The following MICAL3 variants were observed in gnomAD, a reference collection of about 807,000 sequenced individuals.
The protein encoded by MICAL3 is [F-actin]-monooxygenase MICAL3.
Under a neutral mutation model 207.4 loss-of-function variants are expected in MICAL3, and 62 were observed. The observed-to-expected ratio is 0.30, with a 90% CI of 0.24 to 0.37. The LOEUF is 0.37. Ranked by LOEUF, MICAL3 falls within the 10% of genes least tolerant of loss-of-function variation. MICAL3 has a pLI of 1.00. For synonymous variants in MICAL3, 1,077 were observed against 1,069.3 expected, an observed-to-expected ratio of 1.01 and a Z score of -0.14; for missense variants, 2,368 against 2,635.6, an observed-to-expected ratio of 0.90 and a Z score of 2.22.
At chr22:17,930,004 G>A (rs546327008) in intron 1 of MICAL3, among the ~76,000 whole-genome samples, 54 of 152,226 alleles carry the variant, frequency 3.5e-4, no homozygotes, top group African/African-American at 1.2e-3. Context: ...AAGGAAAAAC[G>A]GGCAGAAGAT....
At chr22:17,799,390 A>G (rs988010355) in intron 29 of MICAL3, among the ~76,000 whole-genome samples, 5 of 152,150 alleles carry the variant, frequency 3.3e-5, no homozygotes, top group African/African-American at 1.2e-4. Context: ...TGTCTCAAAA[A>G]CTTTCACAAA....
intron 1 of MICAL3, among the ~76,000 whole-genome samples, chr22:17,935,045 G>T (rs143208030): frequency 4.6e-5 from 7 of 151,966 alleles, no homozygotes; most frequent in African/African-American, 1.7e-4. Context: ...ATCAAGCTAC[G>T]AATGACTTTC....
chr22:17,835,555 G>A (rs1302789243), intron 20 of MICAL3, among the ~76,000 whole-genome samples: 1 of 152,244 alleles, frequency 6.6e-6, no homozygotes, highest in Non-Finnish European at 1.5e-5. Context: ...GTGCAGAGGA[G>A]GGAGGAAGCT....
rs1569073971 is a variant in MICAL3 at position 17,809,677 on chromosome 22, A to G, written c.5557-740T>C. Among the ~76,000 whole-genome samples, 5 of 152,326 alleles carry G rather than the reference A, an allele frequency of 3.3e-5. No homozygotes were observed. The South Asian group carries it at 1.0e-3, about 32-fold the overall frequency. ...ACAATAGAAATCTACAGTGGTCTAGATTCAGGGTCTGTGCAGCCTGAAAAC... is the reference window on the plus strand; with the variant it reads ...ACAATAGAAATCTACAGTGGTCTAGGTTCAGGGTCTGTGCAGCCTGAAAAC... On this transcript the variant is annotated intron_variant, in intron 28 of 31. Coordinates refer to ENST00000441493, the MANE Select transcript of MICAL3 (RefSeq NM_015241.3).
intron 17 of MICAL3, among the ~76,000 whole-genome samples, chr22:17,870,083 G>C (rs908488226): frequency 2.0e-5 from 3 of 152,164 alleles, no homozygotes; most frequent in African/African-American, 7.2e-5. Context: ...ACTGTGGAGG[G>C]GCTAAGCTGA....
Position 17,822,927 on chromosome 22 carries a change from C to A in MICAL3, c.3307+20G>T, listed in dbSNP as rs549562270. On this transcript the variant is annotated intron_variant, in intron 23 of 31. Transcript: ENST00000441493. ...CTTCCCTGAGCTCCCACCACAGGGG[C>A]GGGGAGGGCGGACCCCTACCATCAT... is the stretch of plus-strand genomic sequence containing the variant. The A allele has an allele frequency of 5.3e-6, 8 of 1,505,818 alleles. No individual in the cohort carries two copies. The African/African-American group carries it at 5.5e-5, about 10-fold the overall frequency. The allele number at this position is 1,505,818 out of a possible 1,614,324, so 93.3% of individuals were successfully genotyped here. A position where few individuals can be genotyped will look rare whatever the true frequency, so the allele number is the denominator to read the frequency against.
At chr22:17,877,017 A>AGGGAGG (rs1928612166) in intron 16 of MICAL3, 1 of 132,070 alleles carries the variant, frequency 7.6e-6, no homozygotes, top group Admixed American at 7.9e-5. Flanking sequence ...TATGGAGGTT[A>AGGGAGG]TGGAGGTTAT....
intron 1 of MICAL3, among the ~76,000 whole-genome samples, chr22:17,957,683 C>G (rs1934685785): frequency 7.2e-6 from 1 of 139,070 alleles, no homozygotes; most frequent in South Asian, 2.2e-4. Context: ...GCACTCCAAC[C>G]TGGGCGACAA....
intron 19 of MICAL3, chr22:17,863,691 A>G (rs1602083402): frequency 2.0e-6 from 2 of 985,458 alleles, no homozygotes; most frequent in Non-Finnish European, 2.4e-6. Context: ...CCCAGGGCAC[A>G]CCGCCTAGCC....
chr22:17,845,040 C>T (rs564288986), intron 19 of MICAL3, among the ~76,000 whole-genome samples: 3 of 152,270 alleles, frequency 2.0e-5, no homozygotes, highest in South Asian at 2.1e-4. Context: ...CTGTCTGTGG[C>T]GCCATTTGAT....
intron 1 of MICAL3, among the ~76,000 whole-genome samples, chr22:17,986,045 T>C (rs954763370): frequency 1.3e-5 from 2 of 152,174 alleles, no homozygotes; most frequent in Non-Finnish European, 2.9e-5. Context: ...TAGCTAGGAT[T>C]ACAGGCACCC....
intron 25 of MICAL3, among the ~76,000 whole-genome samples, chr22:17,819,657 C>G (rs1277781463): frequency 6.6e-6 from 1 of 152,090 alleles, no homozygotes; most frequent in African/African-American, 2.4e-5. Flanking sequence ...ATTTCACAGA[C>G]GGCTGAGCGC....
At chr22:17,886,477 G>C (rs990168312) in intron 15 of MICAL3, among the ~76,000 whole-genome samples, 1 of 152,108 alleles carries the variant, frequency 6.6e-6, no homozygotes, top group Non-Finnish European at 1.5e-5. Context: ...GACCAGCCTG[G>C]ACAACACGGT....
Position 17,850,734 on chromosome 22 carries a change from T to C in MICAL3, c.2606-8717A>G, listed in dbSNP as rs141823259. Among the ~76,000 whole-genome samples the C allele has an allele frequency of 3.3e-4, 50 of 152,142 alleles. 1 individual carries two copies. In the East Asian group the frequency reaches 9.3e-3, roughly 28 times the overall value. ...GCCGAGTTAGTTTTTTACTGTCAGG[T>C]TATTTTTACTGTTATGATTACATCA... On this transcript the variant is annotated intron_variant, in intron 19 of 31. Transcript: ENST00000441493.
chr22:17,933,508 A>G (rs1200857850), intron 1 of MICAL3, among the ~76,000 whole-genome samples: 3 of 152,260 alleles, frequency 2.0e-5, no homozygotes, highest in Non-Finnish European at 4.4e-5. Flanking sequence ...AAATGCCCAC[A>G]AGAGAAAGCA....
intron 1 of MICAL3, among the ~76,000 whole-genome samples, chr22:17,979,132 C>A (rs1953480532): frequency 6.6e-6 from 1 of 151,956 alleles, no homozygotes. Context: ...TGTGATCATG[C>A]CGCTGCATTC....
At position 17,818,243 on chromosome 22, in the gene MICAL3, C is replaced by T. The variant is rs766517694; in HGVS notation, c.4418G>A (p.Arg1473Gln). ...PPPGEEPATL[R>Q]RKLREAEPNA... is the part of the protein sequence containing the mutation. The stretch of plus-strand genomic sequence containing the variant: ...GGGCTCGGCCTCCCTGAGCTTCCTC[C>T]GCAAGGTGGCGGGCTCCTCGCCCGG... Residue 1473 changes from arginine (R) to glutamine (Q), a missense_variant, in exon 26 of 32, where the codon CGG (arginine) becomes CAG (glutamine). Arg to Gln is a conservative substitution (Grantham distance 43). This residue lies in a region of MICAL3 where 1,770 missense variants were observed against 1,863.2 expected (regional missense o/e 0.95). Transcript: ENST00000441493. 2.4e-5 allele frequency: 37 copies of T among 1,528,798 alleles called. No individual in the cohort carries two copies. The highest frequency in any genetic ancestry group is 2.9e-5 in the Non-Finnish European group (33 of 1,142,780). The allele number at this position is 1,528,798 out of a possible 1,614,324, so 94.7% of individuals were successfully genotyped here. A position where few individuals can be genotyped will look rare whatever the true frequency, so the allele number is the denominator to read the frequency against.
chr22:17,962,003 T>C (rs1205576134), intron 1 of MICAL3, among the ~76,000 whole-genome samples: 1 of 152,122 alleles, frequency 6.6e-6, no homozygotes, highest in Admixed American at 6.5e-5. Flanking sequence ...TAAGACAGAC[T>C]ATAGGACTTA....
At chr22:17,939,018 C>A (rs7291294) in intron 1 of MICAL3, among the ~76,000 whole-genome samples, 34,998 of 152,010 alleles carry the variant, frequency 0.23, 4,608 homozygotes, top group East Asian at 0.52. Flanking sequence ...AGAGGTGGAG[C>A]CTTCAGGAAG....
Sources: gnomAD v4.1 joint callset for allele counts (sites outside exome capture counted in the v4.1 genomes callset) on GRCh38, gnomAD v4.1.1 for gene constraint, gnomAD v4.1.1 regional missense constraint, MANE v1.5 for transcripts, NCBI Gene and HGNC (gene_info 2026-07-23, HGNC 2026-07-21) for gene names.